SPINK2: variants seen among roughly 807,000 people sequenced by gnomAD.
The protein encoded by SPINK2 is serine protease inhibitor Kazal-type 2.
SPINK2 carries 8 observed loss-of-function variants against 13.5 expected under a neutral mutation model. The ratio of observed to expected loss-of-function variants is 0.59; its 90% CI spans 0.35 to 1.07. SPINK2 has a LOEUF of 1.07. SPINK2 is among the 50% of genes least tolerant of loss of function. The pLI is 0.02. For synonymous variants in SPINK2, 76 were observed against 74.7 expected (o/e 1.02, Z -0.09); for missense variants, 148 against 180.3 (o/e 0.82, Z 1.03).
rs1350370780 is a variant in SPINK2 at position 56,811,717 on chromosome 4, A to G, written c.327T>C (p.Tyr109=). ...TCATGCACAGAGTACATTCATTGGC[A>G]TAAGTGGACATGTCACTGCCACACA... ...NPVCGSDMST[Y]ANECTLCMKI... Residue 109 remains tyrosine (Y), a synonymous_variant, in exon 3 of 4, where the codon TAT becomes TAC. Coordinates refer to ENST00000506738, the MANE Select transcript of SPINK2 (RefSeq NM_001271718.2). 2.5e-6 allele frequency: 4 copies of G among 1,610,882 alleles called. No individual in the cohort carries two copies. Among genetic ancestry groups the G allele is most frequent in the South Asian group, 2.2e-5 (2 of 91,038 alleles).
At chr4:56,811,630 A>AAG in intron 3 of SPINK2, 55 bp downstream of exon 3, 3 of 1,179,550 alleles carry the variant, frequency 2.5e-6, no homozygotes, top group East Asian at 2.6e-5. Context: ...AAAAAAGAAG[A>AAG]AAAAAAAAGA....
At chr4:56,820,634 T>C in intron 1 of SPINK2, 55 bp from the exon 2 acceptor site, 1 of 1,449,200 alleles carries the variant, frequency 6.9e-7, no homozygotes, top group East Asian at 2.3e-5. Flanking sequence ...AAGGTATTGT[T>C]CATGAAGTTT....
At chr4:56,817,691 T>G (rs1284901006) in intron 2 of SPINK2, among the ~76,000 whole-genome samples, 1 of 133,850 alleles carries the variant, frequency 7.5e-6, no homozygotes, top group Non-Finnish European at 1.6e-5. Context: ...CTACTTCTAC[T>G]AAAGATATAG....
Position 56,810,085 on chromosome 4 carries a change from T to C in SPINK2, c.*54A>G. 1 of 1,562,948 alleles carries C rather than the reference T, an allele frequency of 6.4e-7. No individual in the cohort carries two copies. Among genetic ancestry groups the C allele is most frequent in the Non-Finnish European group, 8.7e-7 (1 of 1,154,712 alleles). Reference sequence around the variant, plus strand: ...AGAGAAAAAGGGGAAATGCAATTTATCTAGTCTGCCAGTGAAGGTGGTCTC... The same window carrying C: ...AGAGAAAAAGGGGAAATGCAATTTACCTAGTCTGCCAGTGAAGGTGGTCTC... On this transcript the variant is annotated 3_prime_UTR_variant, in exon 4 of 4. Coordinates refer to ENST00000506738, the MANE Select transcript of SPINK2 (RefSeq NM_001271718.2).
chr4:56,818,739 T>C (rs565050652), intron 2 of SPINK2, among the ~76,000 whole-genome samples: 1 of 152,274 alleles, frequency 6.6e-6, no homozygotes, highest in East Asian at 1.9e-4. Context: ...AAATTCTACA[T>C]GTAGGAACTC....
upstream of SPINK2, chr4:56,821,722 G>T (rs532005468): frequency 1.2e-4 from 172 of 1,387,614 alleles, no homozygotes; most frequent in Admixed American, 3.7e-4. Flanking sequence ...CTCGCAGGGA[G>T]CGCTCGTGCG....
At chr4:56,813,553 C>T (rs561093102) in intron 2 of SPINK2, among the ~76,000 whole-genome samples, 8 of 151,848 alleles carry the variant, frequency 5.3e-5, no homozygotes, top group Non-Finnish European at 8.8e-5. Flanking sequence ...ATTAGATTCT[C>T]ATAGGAGCAC....
intron 2 of SPINK2, among the ~76,000 whole-genome samples, chr4:56,812,314 G>C: frequency 6.6e-6 from 1 of 151,602 alleles, no homozygotes. Context: ...CAACACTTTG[G>C]GAGGCCAAGG....
At chr4:56,821,309 A>C (rs1395030160) in intron 1 of SPINK2, 149 bp downstream of exon 1, 1 of 1,395,050 alleles carries the variant, frequency 7.2e-7, no homozygotes. Flanking sequence ...TCAACTCCTC[A>C]TCTTGGGCAC....
chr4:56,811,591 T>C (rs188869870), intron 3 of SPINK2, 94 bp downstream of exon 3: 621 of 737,952 alleles, frequency 8.4e-4, no homozygotes, highest in Non-Finnish European at 1.1e-3. Flanking sequence ...CACTCCAGCC[T>C]GGGTGACAGA....
At chr4:56,820,630 T>A in intron 1 of SPINK2, 51 bp from the exon 2 acceptor site, 1 of 1,483,938 alleles carries the variant, frequency 6.7e-7, no homozygotes, top group Admixed American at 1.8e-5. Context: ...AGGTAAGGTA[T>A]TGTTCATGAA....
intron 3 of SPINK2, 145 bp downstream of exon 3, chr4:56,811,540 C>A: frequency 2.7e-6 from 1 of 368,432 alleles, no homozygotes; most frequent in South Asian, 3.0e-5. Flanking sequence ...TTGCTTCAAC[C>A]CAGGAGGCAG....
chr4:56,819,357 T>C (rs1717731833), intron 2 of SPINK2, among the ~76,000 whole-genome samples: 1 of 152,182 alleles, frequency 6.6e-6, no homozygotes. Flanking sequence ...ATAATGTCTA[T>C]CTTACAACAT....
At chr4:56,821,723 C>G (rs548915214), upstream of SPINK2, 75 of 1,354,146 alleles carry the variant, frequency 5.5e-5, no homozygotes, top group East Asian at 2.3e-3. Context: ...TCGCAGGGAG[C>G]GCTCGTGCGA....
upstream of SPINK2, chr4:56,821,785 C>T (rs1256444346): frequency 4.3e-5 from 46 of 1,063,186 alleles, no homozygotes; most frequent in Middle Eastern, 2.5e-3. Context: ...GGAGGAAAAG[C>T]AGCGGTAGGT....
Position 56,820,476 on chromosome 4 carries a change from C to T in SPINK2, c.249+60G>A. The T allele has an allele frequency of 4.9e-6, 7 of 1,418,342 alleles. No homozygotes were observed. In the South Asian group the frequency reaches 8.2e-5, roughly 17 times the overall value. 87.9% of individuals were successfully genotyped at this position (1,418,342 alleles called of 1,614,324 possible). On this transcript the variant is annotated intron_variant, in intron 2 of 3. Coordinates refer to ENST00000506738, the MANE Select transcript of SPINK2 (RefSeq NM_001271718.2). ...GTCAGACCTGAAAGCCAGCCTCCCTCCCAAACGGTTTTGGGCTTCACTGTA... is the reference window on the plus strand; with the variant it reads ...GTCAGACCTGAAAGCCAGCCTCCCTTCCAAACGGTTTTGGGCTTCACTGTA...
intron 2 of SPINK2, among the ~76,000 whole-genome samples, chr4:56,819,544 T>C (rs1717750655): frequency 6.6e-6 from 1 of 151,968 alleles, no homozygotes; most frequent in Admixed American, 6.6e-5. Context: ...CTGCTATCTC[T>C]AGTGACAGTC....
intron 2 of SPINK2, among the ~76,000 whole-genome samples, chr4:56,812,563 CAAAAAA>C (rs57162077): frequency 7.9e-4 from 13 of 16,370 alleles, no homozygotes; most frequent in African/African-American, 2.5e-3. Context: ...AACTCCATCT[CAAAAAA>C]AAAAAAAAAA....
chr4:56,810,390 C>A, intron 3 of SPINK2: 2 of 554,928 alleles, frequency 3.6e-6, no homozygotes, highest in Non-Finnish European at 6.3e-6. Context: ...CGCTAGGGCA[C>A]AGGACACTAA....
Sources: allele counts gnomAD v4.1 joint callset (sites outside exome capture counted in the v4.1 genomes callset), GRCh38; gene constraint gnomAD v4.1.1; transcripts MANE v1.5; gene names NCBI Gene and HGNC (gene_info 2026-07-23, HGNC 2026-07-21).